CCDC192: variants seen among roughly 807,000 people sequenced by gnomAD.
The protein encoded by CCDC192 is coiled-coil domain containing 192.
intron 5 of CCDC192, among the ~76,000 whole-genome samples, chr5:127,805,734 G>C (rs920452009): frequency 1.3e-5 from 2 of 152,162 alleles, no homozygotes; most frequent in African/African-American, 4.8e-5. Context: ...AAATATTTTT[G>C]TTGCATGTGT....
In CCDC192 at chr5:127,780,633, G is replaced by A. The variant is rs574821658; in HGVS notation, c.223-16470G>A. Among the ~76,000 whole-genome samples the A allele has an allele frequency of 7.2e-5, 11 of 152,096 alleles. No homozygotes were observed. In the East Asian group the frequency reaches 7.7e-4, roughly 11 times the overall value. ...ATTTGTATATCTCATTTTCAGAATC[G>A]TCTATTCATGTCTGTAGCCCACTTT... On this transcript the variant is annotated intron_variant, in intron 3 of 6. Coordinates refer to ENST00000514853, the MANE Select transcript of CCDC192 (RefSeq NM_001317938.2).
chr5:127,853,965 C>T (rs7734873), intron 5 of CCDC192, among the ~76,000 whole-genome samples: 19 of 152,178 alleles, frequency 1.2e-4, no homozygotes, highest in African/African-American at 4.3e-4. Flanking sequence ...CTTTCAATGA[C>T]TCTATTCCCA....
At chr5:127,914,761 A>G (rs1753469634) in intron 6 of CCDC192, among the ~76,000 whole-genome samples, 1 of 152,184 alleles carries the variant, frequency 6.6e-6, no homozygotes, top group South Asian at 2.1e-4. Flanking sequence ...AGAGCTTAAC[A>G]TGAATTAACT....
chr5:127,770,987 T>C (rs1295150699), intron 3 of CCDC192, among the ~76,000 whole-genome samples: 3 of 152,224 alleles, frequency 2.0e-5, no homozygotes, highest in Non-Finnish European at 4.4e-5. Context: ...ACAGTATTCC[T>C]GGCTAGAGGG....
intron 5 of CCDC192, among the ~76,000 whole-genome samples, chr5:127,870,325 C>A (rs1284153340): frequency 1.3e-5 from 2 of 152,200 alleles, no homozygotes; most frequent in African/African-American, 4.8e-5. Flanking sequence ...TCACACTTCA[C>A]CAGCACACTT....
chr5:127,810,299 C>G (rs1209015846), intron 5 of CCDC192, among the ~76,000 whole-genome samples: 1 of 152,162 alleles, frequency 6.6e-6, no homozygotes, highest in African/African-American at 2.4e-5. Context: ...CTCTGCTGTG[C>G]TCAGCATGTA....
At chr5:127,894,622 G>A (rs1476313946) in intron 6 of CCDC192, among the ~76,000 whole-genome samples, 1 of 152,138 alleles carries the variant, frequency 6.6e-6, no homozygotes, top group African/African-American at 2.4e-5. Context: ...CTTTGAAAAT[G>A]AATAAGAATC....
upstream of CCDC192, among the ~76,000 whole-genome samples, chr5:127,702,493 T>G (rs1750748246): frequency 6.6e-6 from 1 of 152,236 alleles, no homozygotes; most frequent in Non-Finnish European, 1.5e-5. Flanking sequence ...GTTGAAGAAG[T>G]AAATGCTAAT....
At chr5:127,775,913 C>A (rs780508357) in intron 3 of CCDC192, among the ~76,000 whole-genome samples, 1 of 152,150 alleles carries the variant, frequency 6.6e-6, no homozygotes, top group Admixed American at 6.5e-5. Flanking sequence ...TCTTCTGCCA[C>A]GATTGTGAGG....
At chr5:127,796,739 T>C (rs939459235) in intron 3 of CCDC192, among the ~76,000 whole-genome samples, 1 of 152,148 alleles carries the variant, frequency 6.6e-6, no homozygotes, top group Non-Finnish European at 1.5e-5. Context: ...TCAAAGACCA[T>C]ATATAAGCCA....
At chr5:127,875,776 G>A (rs1344493160) in intron 6 of CCDC192, 115 bp downstream of exon 6, 1 of 394,652 alleles carries the variant, frequency 2.5e-6, no homozygotes, top group Non-Finnish European at 4.5e-6. Context: ...ACCTCTGTGT[G>A]GCACCAGTAG....
intron 5 of CCDC192, among the ~76,000 whole-genome samples, chr5:127,844,660 G>T (rs1003256835): frequency 1.3e-5 from 2 of 152,218 alleles, no homozygotes; most frequent in African/African-American, 4.8e-5. Context: ...TGTGGCGGAT[G>T]AGTGAGATAT....
At chr5:127,781,371 A>ATGG (rs1441882072) in intron 3 of CCDC192, among the ~76,000 whole-genome samples, 1 of 152,060 alleles carries the variant, frequency 6.6e-6, no homozygotes, top group African/African-American at 2.4e-5. Context: ...GTGAAGAATG[A>ATGG]TGGTGGTATT....
intron 5 of CCDC192, among the ~76,000 whole-genome samples, chr5:127,830,467 G>A (rs981803330): frequency 3.3e-5 from 5 of 152,126 alleles, no homozygotes; most frequent in African/African-American, 1.2e-4. Flanking sequence ...TGGCTTGCAG[G>A]CTTCTTGCTG....
intron 6 of CCDC192, among the ~76,000 whole-genome samples, chr5:127,918,935 GTGTGTATATA>G (rs369164725): frequency 3.7e-4 from 56 of 149,588 alleles, no homozygotes; most frequent in East Asian, 1.6e-3. Context: ...GTGTGTCTCT[GTGTGTATATA>G]TGTGTATATA....
chr5:127,864,404 A>G (rs866073604), intron 5 of CCDC192, among the ~76,000 whole-genome samples: 4 of 152,204 alleles, frequency 2.6e-5, no homozygotes, highest in Non-Finnish European at 2.9e-5. Flanking sequence ...GCATGTGTTG[A>G]TGGAAACAGG....
At chr5:127,807,079 A>G (rs770946161) in intron 5 of CCDC192, among the ~76,000 whole-genome samples, 51 of 152,184 alleles carry the variant, frequency 3.4e-4, no homozygotes, top group Admixed American at 1.2e-3. Context: ...ACTTAGCCCC[A>G]TATAGTTTTT....
At chr5:127,865,326 G>C (rs546453444) in intron 5 of CCDC192, among the ~76,000 whole-genome samples, 32 of 152,050 alleles carry the variant, frequency 2.1e-4, no homozygotes, top group Non-Finnish European at 4.0e-4. Flanking sequence ...ACTTGATTTA[G>C]AGTGCAAATA....
At chr5:127,759,843 T>C (rs1186841275) in intron 3 of CCDC192, among the ~76,000 whole-genome samples, 4 of 152,244 alleles carry the variant, frequency 2.6e-5, no homozygotes, top group African/African-American at 9.6e-5. Context: ...TCTTCTACTC[T>C]TTCTCATCTC....
Sources: allele counts gnomAD v4.1 joint callset (sites outside exome capture counted in the v4.1 genomes callset), GRCh38; gene constraint gnomAD v4.1.1; transcripts MANE v1.5; gene names NCBI Gene and HGNC (gene_info 2026-07-23, HGNC 2026-07-21).